UHRF1: variants seen among roughly 807,000 people sequenced by gnomAD.
The protein encoded by UHRF1 is ubiquitin like with PHD and ring finger domains 1, also known as E3 ubiquitin-protein ligase UHRF1.
A neutral mutation model predicts 96.5 loss-of-function variants in UHRF1; 9 were observed. The ratio of observed to expected loss-of-function variants is 0.09; its 90% CI spans 0.06 to 0.16. The LOEUF is 0.16. Among genes scored for constraint, UHRF1 ranks in the 10% least tolerant of loss-of-function variants. The pLI, the probability that UHRF1 is intolerant of heterozygous loss-of-function variation, is 1.00. For missense variants in UHRF1, 626 were observed against 1,131.1 expected, an observed-to-expected ratio of 0.55 and a Z score of 6.40; for synonymous variants, 455 against 469.9, an observed-to-expected ratio of 0.97 and a Z score of 0.41.
chr19:4,957,297 GTTTTTTTTTTTTTTT>G (rs59654364), intron 16 of UHRF1, among the ~76,000 whole-genome samples: 76 of 51,104 alleles, frequency 1.5e-3, no homozygotes, highest in African/African-American at 5.3e-3. Context: ...CCAGCTGATG[GTTTTTTTTTTTTTTT>G]TTTTTTTTTT....
Position 4,955,077 on chromosome 19 carries a change from T to G in UHRF1, c.2130+255T>G, listed in dbSNP as rs191556559. 3.6e-3 allele frequency among the ~76,000 whole-genome samples: 539 copies of G among 150,428 alleles called. 3 individuals are homozygous for G. Among genetic ancestry groups the G allele is most frequent in the Non-Finnish European group, 2.8e-3 (186 of 67,460 alleles). Reference sequence around the variant, plus strand: ...CTCGCTCCCCAGCCCCGGCAACTGCTCCCCAGCCCCTGCACCCGCTCCCCA... The same window carrying G: ...CTCGCTCCCCAGCCCCGGCAACTGCGCCCCAGCCCCTGCACCCGCTCCCCA... On this transcript the variant is annotated intron_variant, in intron 15 of 16. Transcript: ENST00000650932.
At chr19:4,956,225 C>T (rs2033853123) in intron 15 of UHRF1, among the ~76,000 whole-genome samples, 1 of 152,138 alleles carries the variant, frequency 6.6e-6, no homozygotes, top group Non-Finnish European at 1.5e-5. Flanking sequence ...GCCACCATGC[C>T]CGGCCTATTT....
intron 15 of UHRF1, among the ~76,000 whole-genome samples, chr19:4,955,940 A>T (rs916928741): frequency 1.3e-5 from 2 of 150,700 alleles, no homozygotes; most frequent in South Asian, 2.1e-4. Context: ...TATTTTTATT[A>T]TTTTTTTTTG....
rs2145232614 is a variant in UHRF1, at chr19:4,960,642, T to G, written c.2236-15T>G. ...GTGTGGATGGCACTTCTCACGCGCCTGCTGTGTCTTACAGGACTGCCTGGA... is the reference window on the plus strand; with the variant it reads ...GTGTGGATGGCACTTCTCACGCGCCGGCTGTGTCTTACAGGACTGCCTGGA... On this transcript the variant is annotated splice_polypyrimidine_tract_variant and intron_variant, in intron 16 of 16. Transcript: ENST00000650932. The G allele has an allele frequency of 1.1e-5, 17 of 1,612,438 alleles. No individual in the cohort carries two copies. The highest frequency in any genetic ancestry group is 1.4e-5 in the Non-Finnish European group (17 of 1,179,274).
intron 2 of UHRF1, among the ~76,000 whole-genome samples, chr19:4,921,129 GA>G (rs202129974): frequency 5.3e-5 from 7 of 132,234 alleles, no homozygotes; most frequent in African/African-American, 1.8e-4. Flanking sequence ...TCTCAAAAAA[GA>G]AAAAAAAAGA....
chr19:4,944,535 A>G (rs2033506615), intron 9 of UHRF1, 85 bp downstream of exon 9: 1 of 1,480,648 alleles, frequency 6.8e-7, no homozygotes, highest in East Asian at 2.3e-5. Context: ...TTGGCCAGCC[A>G]GGGGTCAGGG....
intron 5 of UHRF1, among the ~76,000 whole-genome samples, chr19:4,934,716 G>A (rs945549713): frequency 6.6e-6 from 1 of 152,146 alleles, no homozygotes; most frequent in East Asian, 1.9e-4. Context: ...CCAAGTACAG[G>A]TACAGCAAGC....
At chr19:4,948,183 G>A (rs2033623956) in intron 11 of UHRF1, among the ~76,000 whole-genome samples, 1 of 151,182 alleles carries the variant, frequency 6.6e-6, no homozygotes, top group East Asian at 1.9e-4. Flanking sequence ...AACCTCTTCA[G>A]CTCTTGTGTC....
chr19:4,956,480 C>T (rs538355718), intron 15 of UHRF1, among the ~76,000 whole-genome samples: 36 of 152,344 alleles, frequency 2.4e-4, no homozygotes, highest in African/African-American at 6.7e-4. Context: ...GTACTGGCTC[C>T]GCCTCATCCT....
rs745334592 is a variant in UHRF1 at position 4,954,434 on chromosome 19, G to C, written c.1903G>C (p.Gly635Arg). The C allele has an allele frequency of 5.6e-6, 9 of 1,613,664 alleles. No homozygotes were observed. The East Asian group carries it at 6.7e-5, about 12-fold the overall frequency. Reference sequence around the variant, plus strand: ...GAGGGAGGAGGAGGAGCAGCAGGAGGGGGGCTTCGCGTCCCCCAGGACGGG... The same window carrying C: ...GAGGGAGGAGGAGGAGCAGCAGGAGCGGGGCTTCGCGTCCCCCAGGACGGG... ...SKREEEEQQE[G>R]GFASPRTGKG... Residue 635 changes from glycine (G) to arginine (R), a missense_variant, in exon 14 of 17, where the codon GGG becomes CGG. Gly to Arg is a moderately radical substitution (Grantham distance 125). Around this residue, in one of 11 missense-constraint regions of UHRF1, gnomAD observed 90 missense variants for 94.7 expected, o/e 0.95. Transcript: ENST00000650932. This position sits in a 1 kb window ranked among gnomAD's most constrained non-coding sequence, Gnocchi z 5.9.
In UHRF1 at chr19:4,952,392, CCT is replaced by C. The variant is rs1491310040; in HGVS notation, c.1818+1397_1818+1398del. Among the ~76,000 whole-genome samples the C allele has an allele frequency of 4.9e-3, 417 of 85,824 alleles. 3 individuals carry two copies. The highest frequency in any genetic ancestry group is 0.018 in the African/African-American group (386 of 21,818). The allele number at this position is 85,824 out of a possible 152,430, so 56.3% of individuals were successfully genotyped here. On this transcript the variant is annotated intron_variant, in intron 13 of 16. Coordinates refer to ENST00000650932, the MANE Select transcript of UHRF1 (RefSeq NM_001048201.3). ...TACAGGCGTAAGCCACCGCTCCCAGCCTTTTTTTTTTTTTTTTTTTGGAGACA... is the reference window on the plus strand; with the variant it reads ...TACAGGCGTAAGCCACCGCTCCCAGCTTTTTTTTTTTTTTTTTTGGAGACA...
chr19:4,939,913 A>G lies in UHRF1; in HGVS notation c.786-1615A>G, dbSNP rs373043559. Among the ~76,000 whole-genome samples the G allele has an allele frequency of 6.8e-3, 1,035 of 151,930 alleles. 8 individuals carry two copies. Among genetic ancestry groups the G allele is most frequent in the South Asian group, 0.034 (165 of 4,806 alleles). On this transcript the variant is annotated intron_variant, in intron 5 of 16. Transcript: ENST00000650932. Reference sequence around the variant, plus strand: ...GTGGCGGGTGCCTATAGTGCCAGCTACTCAGGAGGCTGAGGCAGGAGAGTG... The same window carrying G: ...GTGGCGGGTGCCTATAGTGCCAGCTGCTCAGGAGGCTGAGGCAGGAGAGTG...
At chr19:4,913,343 T>A (rs1441876775) in intron 2 of UHRF1, among the ~76,000 whole-genome samples, 2 of 147,394 alleles carry the variant, frequency 1.4e-5, no homozygotes, top group East Asian at 4.0e-4. Context: ...AACCTTCATC[T>A]CCCAAGTTCA....
intron 2 of UHRF1, 108 bp from the exon 3 acceptor site, chr19:4,929,114 C>A (rs1343512961): frequency 6.8e-6 from 9 of 1,324,476 alleles, no homozygotes; most frequent in Non-Finnish European, 8.0e-6. Context: ...TGCAGATTGC[C>A]CCCCCCCCAC....
chr19:4,943,505 C>CCG (rs1170150923), intron 7 of UHRF1, among the ~76,000 whole-genome samples: 3 of 151,116 alleles, frequency 2.0e-5, no homozygotes, highest in African/African-American at 7.3e-5. Flanking sequence ...GCCCCCCCTC[C>CCG]CCACATCGTA....
At chr19:4,943,306 G>C (rs2033462739) in intron 7 of UHRF1, among the ~76,000 whole-genome samples, 1 of 152,116 alleles carries the variant, frequency 6.6e-6, no homozygotes, top group Non-Finnish European at 1.5e-5. Flanking sequence ...GAGACCTGCG[G>C]CCAGCCAGGG....
chr19:4,947,334 C>T, intron 11 of UHRF1, 123 bp downstream of exon 11: 9 of 901,498 alleles, frequency 1.0e-5, no homozygotes, highest in Non-Finnish European at 1.6e-5. Context: ...ATAGCGAAGC[C>T]TGGCATTTGG....
chr19:4,926,766 A>G (rs1222636719), intron 2 of UHRF1, among the ~76,000 whole-genome samples: 1 of 147,586 alleles, frequency 6.8e-6, no homozygotes, highest in African/African-American at 2.7e-5. Flanking sequence ...TCCTTTCTAA[A>G]GGAAAAAAAA....
chr19:4,907,991 T>G (rs1461147550), upstream of UHRF1, among the ~76,000 whole-genome samples: 1 of 152,070 alleles, frequency 6.6e-6, no homozygotes. Flanking sequence ...GGATTACAGG[T>G]GTGAGCCAAC....
Sources: allele counts gnomAD v4.1 joint callset (sites outside exome capture counted in the v4.1 genomes callset), GRCh38; gene constraint gnomAD v4.1.1; regional missense constraint gnomAD v4.1.1; non-coding constraint Gnocchi (gnomAD v3.1); transcripts MANE v1.5; gene names NCBI Gene and HGNC (gene_info 2026-07-23, HGNC 2026-07-21).